Variants in DOCK10 observed in about 807,000 individuals in gnomAD.
DOCK10 encodes dedicator of cytokinesis protein 10.
In DOCK10, 145 loss-of-function variants were observed where a neutral mutation model predicts 280.1. The ratio of observed to expected loss-of-function variants is 0.52; its 90% CI spans 0.45 to 0.59. The LOEUF (loss-of-function observed/expected upper bound fraction) is 0.59. Among genes scored for constraint, DOCK10 ranks in the 20% least tolerant of loss-of-function variants. The probability of loss-of-function intolerance (pLI) is 0.00; values close to 1 mark genes in which losing one functional copy is unlikely to be tolerated. For synonymous variants in DOCK10, 915 were observed against 942.2 expected (o/e 0.97, Z 0.53); for missense variants, 2,368 against 2,651.7 (o/e 0.89, Z 2.35).
intron 2 of DOCK10, among the ~76,000 whole-genome samples, chr2:224,924,292 G>T (rs1440284873): frequency 2.0e-5 from 3 of 152,116 alleles, no homozygotes; most frequent in African/African-American, 7.2e-5. Context: ...CCATTACCAC[G>T]ATTTAATTAC....
rs1295056689 is a variant in DOCK10 at position 224,874,132 on chromosome 2, T to C, written c.1121A>G (p.Lys374Arg). ...PDIDTLKLQK[K>R]DLLEPESVIK... The stretch of plus-strand genomic sequence containing the variant: ...CACAGACTCAGGTTCCAAGAGATCT[T>C]TTTTTTGAAGTTTCAAGGTCTAAAA... The change falls in exon 11 of 56, where the codon AAA (lysine) becomes AGA (arginine). Residue 374 changes from lysine to arginine, a missense_variant. By Grantham distance (26) the Lys-to-Arg change is conservative. Around this residue, in one of 2 missense-constraint regions of DOCK10, gnomAD observed 1,209 missense variants for 1,250.9 expected, o/e 0.97. Transcript: ENST00000258390. 2 of 1,596,594 alleles carry C rather than the reference T, an allele frequency of 1.3e-6. No homozygotes were observed. Among genetic ancestry groups the C allele is most frequent in the Admixed American group, 1.8e-5 (1 of 56,858 alleles).
At chr2:224,897,421 C>T (rs968954602) in intron 3 of DOCK10, among the ~76,000 whole-genome samples, 2 of 152,114 alleles carry the variant, frequency 1.3e-5, no homozygotes, top group Non-Finnish European at 2.9e-5. Flanking sequence ...CAATTATACT[C>T]TTTTAGTTAT....
chr2:225,017,854 G>A (rs572271234), intron 1 of DOCK10, among the ~76,000 whole-genome samples: 6 of 152,302 alleles, frequency 3.9e-5, no homozygotes, highest in Admixed American at 1.3e-4. Context: ...TGTTGACTGA[G>A]TTATCCAAGT....
intron 1 of DOCK10, among the ~76,000 whole-genome samples, chr2:224,953,463 T>G (rs1703873906): frequency 6.6e-6 from 1 of 152,154 alleles, no homozygotes; most frequent in Non-Finnish European, 1.5e-5. Flanking sequence ...AAGTATCTAC[T>G]TCCTCCTTCA....
chr2:224,789,594 T>C (rs1692000406), intron 47 of DOCK10, among the ~76,000 whole-genome samples: 1 of 152,020 alleles, frequency 6.6e-6, no homozygotes, highest in Admixed American at 6.5e-5. Context: ...AGACAATGCT[T>C]GTAGGTGGGT....
intron 14 of DOCK10, chr2:224,860,785 C>T (rs1697451482): frequency 6.6e-6 from 1 of 152,204 alleles, no homozygotes; most frequent in South Asian, 2.1e-4. Flanking sequence ...CTATGTTGCC[C>T]AGGCTGGTCT....
chr2:225,038,142 C>A (rs904668873), intron 1 of DOCK10, among the ~76,000 whole-genome samples: 1 of 152,190 alleles, frequency 6.6e-6, no homozygotes, highest in Non-Finnish European at 1.5e-5. Flanking sequence ...GAATGCTAAA[C>A]AACCAGGCCC....
At chr2:224,794,014 G>A (rs777931853) in intron 45 of DOCK10, among the ~76,000 whole-genome samples, 3 of 152,138 alleles carry the variant, frequency 2.0e-5, no homozygotes, top group African/African-American at 4.8e-5. Context: ...AGCCCTGAAC[G>A]TTGCTGAACA....
intron 1 of DOCK10, among the ~76,000 whole-genome samples, chr2:225,013,708 A>C (rs912703805): frequency 3.9e-5 from 6 of 152,182 alleles, no homozygotes; most frequent in Non-Finnish European, 7.4e-5. Context: ...GGCTTGAGTG[A>C]AGGCATCCTA....
chr2:224,904,704 G>C (rs566956551), intron 3 of DOCK10, among the ~76,000 whole-genome samples: 12 of 152,296 alleles, frequency 7.9e-5, no homozygotes, highest in South Asian at 2.1e-4. Context: ...ATGGGCAAGT[G>C]TGAGTGCACA....
intron 1 of DOCK10, among the ~76,000 whole-genome samples, chr2:225,039,832 G>T (rs1690368745): frequency 6.6e-6 from 1 of 152,128 alleles, no homozygotes; most frequent in Non-Finnish European, 1.5e-5. Flanking sequence ...TGTCCTGGAG[G>T]ATTTGTGTCC....
intron 22 of DOCK10, among the ~76,000 whole-genome samples, chr2:224,842,996 G>A (rs1400682076): frequency 3.3e-5 from 5 of 152,190 alleles, no homozygotes; most frequent in Admixed American, 3.3e-4. Context: ...AGGATGGGTA[G>A]GAACCAACCA....
intron 14 of DOCK10, among the ~76,000 whole-genome samples, chr2:224,858,953 A>C (rs927366040): frequency 6.6e-6 from 1 of 152,252 alleles, no homozygotes; most frequent in Non-Finnish European, 1.5e-5. Flanking sequence ...CATGATGTGC[A>C]GAATGAAGCA....
chr2:224,784,191 T>A (rs530316149), intron 50 of DOCK10, among the ~76,000 whole-genome samples: 1 of 152,294 alleles, frequency 6.6e-6, no homozygotes, highest in East Asian at 1.9e-4. Context: ...ATGTTTGGAA[T>A]TAGTCCCATC....
intron 1 of DOCK10, among the ~76,000 whole-genome samples, chr2:224,971,220 A>T (rs762660843): frequency 6.6e-6 from 1 of 152,200 alleles, no homozygotes. Flanking sequence ...TTGGATATTG[A>T]ACAGAAAAAT....
At chr2:225,009,035 A>G (rs181886588) in intron 1 of DOCK10, among the ~76,000 whole-genome samples, 1 of 152,280 alleles carries the variant, frequency 6.6e-6, no homozygotes, top group Admixed American at 6.5e-5. Context: ...AAATATTCCA[A>G]TCTTGTAATC....
intron 1 of DOCK10, among the ~76,000 whole-genome samples, chr2:224,961,450 CTTTCTTTCTTTCTTTCTT>C (rs1208468082): frequency 5.0e-4 from 66 of 131,076 alleles, no homozygotes; most frequent in South Asian, 1.8e-3. Context: ...TTCTTTCTTT[CTTTCTTTCTTTCTTTCTT>C]TTTCTTTCTT....
intron 27 of DOCK10, among the ~76,000 whole-genome samples, chr2:224,825,650 C>T (rs1051617142): frequency 6.6e-6 from 1 of 152,202 alleles, no homozygotes; most frequent in Non-Finnish European, 1.5e-5. Flanking sequence ...TTCCTCTTTA[C>T]ACCTTCCTCT....
intron 3 of DOCK10, 132 bp downstream of exon 3, chr2:224,916,560 AAAG>A: frequency 9.5e-6 from 5 of 525,886 alleles, no homozygotes; most frequent in South Asian, 2.6e-5. Context: ...AAAAAAAAAA[AAAG>A]ACATCCACTA....
Sources: allele counts gnomAD v4.1 joint callset (sites outside exome capture counted in the v4.1 genomes callset), GRCh38; gene constraint gnomAD v4.1.1; regional missense constraint gnomAD v4.1.1; transcripts MANE v1.5; gene names NCBI Gene and HGNC (gene_info 2026-07-23, HGNC 2026-07-21).